Variants in C8orf34 observed in about 807,000 individuals in gnomAD.
C8orf34 encodes chromosome 8 open reading frame 34.
In C8orf34, 65 loss-of-function variants were observed where a neutral mutation model predicts 68.3. That is an observed-to-expected ratio of 0.95 (90% CI 0.78 to 1.17). The LOEUF (loss-of-function observed/expected upper bound fraction) is 1.17. Ranked by LOEUF, C8orf34 falls within the 50% of genes most tolerant of loss-of-function variation. The pLI is 0.00. For missense variants in C8orf34, 664 were observed against 655.4 expected (o/e 1.01, Z -0.14); for synonymous variants, 244 against 241.2 (o/e 1.01, Z -0.11).
At chr8:68,569,319 C>T (rs566986025) in intron 7 of C8orf34, among the ~76,000 whole-genome samples, 42 of 152,268 alleles carry the variant, frequency 2.8e-4, no homozygotes, top group Non-Finnish European at 4.6e-4. Flanking sequence ...AGGCTGTCGC[C>T]TCTACATCTG....
At chr8:68,493,360 C>G (rs1268260662) in intron 5 of C8orf34, among the ~76,000 whole-genome samples, 3 of 152,098 alleles carry the variant, frequency 2.0e-5, no homozygotes, top group Admixed American at 2.0e-4. Context: ...AGATGACCAA[C>G]AAGCATCTGA....
At chr8:68,394,767 C>T (rs1419924502) in intron 1 of C8orf34, among the ~76,000 whole-genome samples, 1 of 151,892 alleles carries the variant, frequency 6.6e-6, no homozygotes, top group African/African-American at 2.4e-5. Flanking sequence ...TCTGCTGTTG[C>T]CATCTAGTGG....
intron 2 of C8orf34, among the ~76,000 whole-genome samples, chr8:68,446,114 C>G (rs1811110942): frequency 1.3e-5 from 2 of 152,102 alleles, no homozygotes; most frequent in Admixed American, 1.3e-4. Context: ...ATGATATAAT[C>G]TTAATCATAT....
intron 7 of C8orf34, among the ~76,000 whole-genome samples, chr8:68,542,715 C>G (rs181514887): frequency 1.3e-5 from 2 of 152,210 alleles, no homozygotes; most frequent in Middle Eastern, 3.4e-3. Context: ...GTCTTGAAAA[C>G]ATACATTTTA....
chr8:68,662,969 A>G (rs1036639638), intron 8 of C8orf34, among the ~76,000 whole-genome samples: 7 of 152,206 alleles, frequency 4.6e-5, no homozygotes, highest in Non-Finnish European at 7.3e-5. Context: ...ACAAAGTGTA[A>G]ACATAGGAGT....
chr8:68,704,058 T>A (rs923033653), intron 8 of C8orf34, among the ~76,000 whole-genome samples: 1 of 152,188 alleles, frequency 6.6e-6, no homozygotes, highest in Non-Finnish European at 1.5e-5. Flanking sequence ...TTAAGAAATC[T>A]CTTTTAGAGT....
At chr8:68,446,298 T>C in intron 2 of C8orf34, 31 bp from the exon 3 acceptor site, 3 of 1,546,538 alleles carry the variant, frequency 1.9e-6, no homozygotes, top group Non-Finnish European at 2.6e-6. Context: ...AATCACTTTG[T>C]TGCCATTTTA....
intron 9 of C8orf34, among the ~76,000 whole-genome samples, chr8:68,711,313 A>T (rs1821323951): frequency 6.6e-6 from 1 of 152,196 alleles, no homozygotes; most frequent in African/African-American, 2.4e-5. Flanking sequence ...ATCCAAGTCA[A>T]GAGGAAATCT....
chr8:68,742,241 A>G (rs1056737213), intron 10 of C8orf34, among the ~76,000 whole-genome samples: 2 of 152,170 alleles, frequency 1.3e-5, no homozygotes, highest in African/African-American at 2.4e-5. Flanking sequence ...CATTTCATCA[A>G]TGACTCTCCA....
intron 1 of C8orf34, among the ~76,000 whole-genome samples, chr8:68,397,100 A>G (rs1008189587): frequency 1.3e-5 from 2 of 151,812 alleles, no homozygotes; most frequent in Non-Finnish European, 2.9e-5. Context: ...TCCATCTCCC[A>G]AGTTCAAGCA....
intron 12 of C8orf34, among the ~76,000 whole-genome samples, chr8:68,807,541 A>G (rs919107915): frequency 2.0e-5 from 3 of 151,820 alleles, no homozygotes; most frequent in Non-Finnish European, 4.4e-5. Flanking sequence ...ATTATCTTTA[A>G]TTTTCTTATT....
chr8:68,543,482 C>T (rs1815766324), intron 7 of C8orf34, among the ~76,000 whole-genome samples: 1 of 152,068 alleles, frequency 6.6e-6, no homozygotes, highest in Admixed American at 6.5e-5. Context: ...CATTTATGTA[C>T]ATTTACAATA....
chr8:68,340,589 A>G (rs1806029028), intron 1 of C8orf34, among the ~76,000 whole-genome samples: 2 of 152,202 alleles, frequency 1.3e-5, no homozygotes, highest in Admixed American at 6.5e-5. Flanking sequence ...ATTGAAATAG[A>G]CAAAGTCTTT....
Position 68,753,334 on chromosome 8 carries a change from T to TTAGTGAAG in C8orf34, c.1405-23065_1405-23064insTAGTGAAG, listed in dbSNP as rs548746557. Among the ~76,000 whole-genome samples, 667 of 152,294 alleles carry TTAGTGAAG rather than the reference T, an allele frequency of 4.4e-3. 2 individuals carry two copies. The highest frequency in any genetic ancestry group is 0.015 in the African/African-American group (642 of 41,584). ...ACATGGCCCCTCTCACTAAACCGAT[T>TTAGTGAAG]GCATGAAGCCTTGTAGAAAAAAAGT... On this transcript the variant is annotated intron_variant, in intron 10 of 13. Transcript: ENST00000518698.
chr8:68,601,805 T>C (rs1586433229), intron 7 of C8orf34, among the ~76,000 whole-genome samples: 1 of 152,316 alleles, frequency 6.6e-6, no homozygotes, highest in East Asian at 1.9e-4. Context: ...GATTTTCTAT[T>C]GTGTACTGCA....
In C8orf34 at chr8:68,614,682, G is replaced by A. The variant is rs568267359; in HGVS notation, c.1106-25694G>A. ...TTTGTACCAGTACCATGCTGTTTTGGTTACTGTAGCCTTGTAGTATAGTTT... is the reference window on the plus strand; with the variant it reads ...TTTGTACCAGTACCATGCTGTTTTGATTACTGTAGCCTTGTAGTATAGTTT... On this transcript the variant is annotated intron_variant, in intron 7 of 13. Transcript: ENST00000518698. Among the ~76,000 whole-genome samples, 470 of 152,234 alleles carry A rather than the reference G, an allele frequency of 3.1e-3. 1 individual carries two copies. Among genetic ancestry groups the A allele is most frequent in the African/African-American group, 0.011 (450 of 41,544 alleles).
chr8:68,741,025 A>G (rs760322401), intron 10 of C8orf34, among the ~76,000 whole-genome samples: 1 of 152,150 alleles, frequency 6.6e-6, no homozygotes, highest in Non-Finnish European at 1.5e-5. Flanking sequence ...TGGGAGCTAA[A>G]TGATGAGAAG....
At chr8:68,349,818 C>A (rs1426818470) in intron 1 of C8orf34, among the ~76,000 whole-genome samples, 1 of 151,670 alleles carries the variant, frequency 6.6e-6, no homozygotes, top group Non-Finnish European at 1.5e-5. Context: ...TTCCCTTCAT[C>A]ATTTCTTATT....
intron 11 of C8orf34, among the ~76,000 whole-genome samples, chr8:68,786,759 G>A (rs1004765681): frequency 2.6e-5 from 4 of 152,122 alleles, no homozygotes; most frequent in Admixed American, 2.0e-4. Context: ...TAGAGCCACT[G>A]AAAAATTATA....
Sources: gnomAD v4.1 joint callset for allele counts (sites outside exome capture counted in the v4.1 genomes callset) on GRCh38, gnomAD v4.1.1 for gene constraint, MANE v1.5 for transcripts, NCBI Gene and HGNC (gene_info 2026-07-23, HGNC 2026-07-21) for gene names.